Variants in HPF1 observed in about 807,000 individuals in gnomAD.
HPF1 encodes histone PARylation factor 1.
Under a neutral mutation model 38.8 loss-of-function variants are expected in HPF1, and 35 were observed. That is an observed-to-expected ratio of 0.90 (90% confidence interval 0.69 to 1.19). HPF1 has a LOEUF of 1.19. HPF1 is among the 50% of genes most tolerant of loss of function. HPF1 has a pLI of 0.00. For synonymous variants in HPF1, 115 were observed against 139.2 expected, an observed-to-expected ratio of 0.83 and a Z score of 1.22; for missense variants, 367 against 405.8, an observed-to-expected ratio of 0.90 and a Z score of 0.82.
intron 4 of HPF1, among the ~76,000 whole-genome samples, chr4:169,747,585 A>G (rs925597593): frequency 6.6e-6 from 1 of 152,238 alleles, no homozygotes; most frequent in African/African-American, 2.4e-5. Flanking sequence ...CAAACTACAC[A>G]GCTGCTGACA....
intron 5 of HPF1, 23 bp downstream of exon 5, chr4:169,741,934 A>G (rs1733974157): frequency 6.2e-7 from 1 of 1,603,834 alleles, no homozygotes; most frequent in South Asian, 1.1e-5. Context: ...AGCAAAACAG[A>G]GACCAACAGG....
At chr4:169,740,703 A>T (rs1472025637) in intron 5 of HPF1, among the ~76,000 whole-genome samples, 3 of 152,226 alleles carry the variant, frequency 2.0e-5, no homozygotes, top group Non-Finnish European at 2.9e-5. Context: ...CTGTTTTTGT[A>T]TAAAAAACAA....
In HPF1 at chr4:169,736,371, AAAAAAG is replaced by A. The variant is rs1179289829; in HGVS notation, c.736+1283_736+1288del. Among the ~76,000 whole-genome samples, 53 of 150,640 alleles carry A rather than the reference AAAAAAG, an allele frequency of 3.5e-4. 1 individual carries two copies. The highest frequency in any genetic ancestry group is 1.3e-3 in the South Asian group (6 of 4,788). On this transcript the variant is annotated intron_variant, in intron 6 of 7. Transcript: ENST00000393381. ...TGAGACCCTGTCACAAAAAAAAAAA[AAAAAAG>A]AAGTAAAAAATAAATACGAGTTACA...
At chr4:169,748,420 C>CA (rs1269735140) in intron 4 of HPF1, among the ~76,000 whole-genome samples, 2 of 151,816 alleles carry the variant, frequency 1.3e-5, no homozygotes, top group Admixed American at 1.3e-4. Flanking sequence ...ACTCAGGCTG[C>CA]AATGCAGTGG....
At chr4:169,748,236 C>T (rs1214388956) in intron 4 of HPF1, among the ~76,000 whole-genome samples, 2 of 152,082 alleles carry the variant, frequency 1.3e-5, no homozygotes, top group Admixed American at 6.5e-5. Context: ...GTATTATTTT[C>T]GTTAAGTAAA....
At chr4:169,736,725 T>C (rs181465884) in intron 6 of HPF1, among the ~76,000 whole-genome samples, 54 of 152,320 alleles carry the variant, frequency 3.5e-4, no homozygotes, top group Middle Eastern at 3.4e-3. Flanking sequence ...AATATGTGGT[T>C]CTTTGAGAAG....
At chr4:169,742,542 C>T (rs1241091380) in intron 4 of HPF1, among the ~76,000 whole-genome samples, 1 of 152,194 alleles carries the variant, frequency 6.6e-6, no homozygotes, top group Admixed American at 6.5e-5. Context: ...CCTGTAATCC[C>T]AGCACTTTGG....
chr4:169,741,824 A>G, intron 5 of HPF1, 133 bp downstream of exon 5: 1 of 705,972 alleles, frequency 1.4e-6, no homozygotes. Context: ...CATCCTCCTA[A>G]CATCCCTAAG....
intron 5 of HPF1, among the ~76,000 whole-genome samples, chr4:169,739,691 G>C (rs1030801075): frequency 6.6e-6 from 1 of 152,144 alleles, no homozygotes; most frequent in Admixed American, 6.5e-5. Flanking sequence ...AGGTATAAAA[G>C]GATATCTATG....
intron 2 of HPF1, among the ~76,000 whole-genome samples, chr4:169,753,206 G>A (rs1275505424): frequency 6.6e-6 from 1 of 151,774 alleles, no homozygotes; most frequent in Non-Finnish European, 1.5e-5. Context: ...GCTAAATTTT[G>A]TATTTTTAGT....
intron 6 of HPF1, among the ~76,000 whole-genome samples, chr4:169,735,481 T>G (rs761210044): frequency 6.6e-6 from 1 of 152,182 alleles, no homozygotes; most frequent in Non-Finnish European, 1.5e-5. Context: ...GGTCCTTCAG[T>G]CTTAATGTTT....
chr4:169,753,604 C>A lies in HPF1; in HGVS notation c.208+72G>T, dbSNP rs1734147263. Reference sequence around the variant, plus strand: ...CTCAGCTGGGATTACAGAGTGTGAGCCACCACACCCAGCTGGTTTCCTATT... The same window carrying A: ...CTCAGCTGGGATTACAGAGTGTGAGACACCACACCCAGCTGGTTTCCTATT... On this transcript the variant is annotated intron_variant, in intron 2 of 7. Transcript: ENST00000393381. The A allele has an allele frequency of 3.1e-5, 40 of 1,298,354 alleles. No homozygotes were observed. In the South Asian group the frequency reaches 4.3e-4, roughly 14 times the overall value. The allele number at this position is 1,298,354 out of a possible 1,614,324, so 80.4% of individuals were successfully genotyped here.
intron 1 of HPF1, among the ~76,000 whole-genome samples, chr4:169,755,870 T>G (rs180914715): frequency 9.2e-5 from 14 of 152,050 alleles, no homozygotes; most frequent in African/African-American, 3.1e-4. Flanking sequence ...TGTAGAGCTA[T>G]TGTCTGTTTC....
intron 4 of HPF1, among the ~76,000 whole-genome samples, chr4:169,745,889 G>A (rs1260315871): frequency 2.0e-5 from 3 of 152,140 alleles, no homozygotes; most frequent in Non-Finnish European, 4.4e-5. Context: ...GGTGACAACA[G>A]TATTATCCAC....
chr4:169,743,063 C>T (rs1304749323), intron 4 of HPF1, among the ~76,000 whole-genome samples: 1 of 151,550 alleles, frequency 6.6e-6, no homozygotes, highest in African/African-American at 2.4e-5. Flanking sequence ...CAGCCGAGAT[C>T]GTGCCACTGC....
chr4:169,740,919 C>T (rs924375238), intron 5 of HPF1, among the ~76,000 whole-genome samples: 1 of 152,128 alleles, frequency 6.6e-6, no homozygotes, highest in Non-Finnish European at 1.5e-5. Context: ...TTAGTCAAAA[C>T]AAATTAGAAA....
At chr4:169,747,715 G>C (rs886413297) in intron 4 of HPF1, among the ~76,000 whole-genome samples, 5 of 152,068 alleles carry the variant, frequency 3.3e-5, no homozygotes, top group Admixed American at 6.6e-5. Context: ...TTTAGCTCAG[G>C]CTCCACATGG....
rs750923800 is a variant in HPF1 at position 169,736,359 on chromosome 4, C to CAA, written c.736+1299_736+1300dup. On this transcript the variant is annotated intron_variant, in intron 6 of 7. Transcript: ENST00000393381. ...TGGGTGACAGAGTGAGACCCTGTCA[C>CAA]AAAAAAAAAAAAAAAAAGAAGTAAA... 6.3e-3 allele frequency among the ~76,000 whole-genome samples: 645 copies of CAA among 103,068 alleles called. 21 individuals are homozygous for CAA. Among genetic ancestry groups the CAA allele is most frequent in the East Asian group, 0.039 (156 of 4,006 alleles). The allele number at this position is 103,068 out of a possible 152,430, so 67.6% of individuals were successfully genotyped here.
At chr4:169,751,392 G>T (rs901065818) in intron 2 of HPF1, among the ~76,000 whole-genome samples, 1 of 145,928 alleles carries the variant, frequency 6.9e-6, no homozygotes, top group Admixed American at 6.7e-5. Context: ...GACAGGGTGA[G>T]GCTCTGTCTC....
Sources: gnomAD v4.1 joint callset for allele counts (sites outside exome capture counted in the v4.1 genomes callset) on GRCh38, gnomAD v4.1.1 for gene constraint, MANE v1.5 for transcripts, NCBI Gene and HGNC (gene_info 2026-07-23, HGNC 2026-07-21) for gene names.